The following RPS6KA5 variants were observed in gnomAD, a reference collection of about 807,000 sequenced individuals.
RPS6KA5 encodes ribosomal protein S6 kinase A5.
RPS6KA5 carries 27 observed loss-of-function variants against 85.5 expected under a neutral mutation model. That is an observed-to-expected ratio of 0.32 (90% CI 0.23 to 0.44). RPS6KA5 has a LOEUF of 0.44. RPS6KA5 is among the 20% of genes least tolerant of loss of function. RPS6KA5 has a pLI of 1.00. For missense variants in RPS6KA5, 811 were observed against 980.9 expected, an observed-to-expected ratio of 0.83 and a Z score of 2.31; for synonymous variants, 334 against 348.2, an observed-to-expected ratio of 0.96 and a Z score of 0.46.
At chr14:90,929,693 A>T (rs1566753845) in intron 5 of RPS6KA5, among the ~76,000 whole-genome samples, 1 of 152,184 alleles carries the variant, frequency 6.6e-6, no homozygotes. Flanking sequence ...TTCCCTCCAA[A>T]TTAATTTATA....
chr14:91,056,429 C>T (rs547472056), intron 1 of RPS6KA5, among the ~76,000 whole-genome samples: 4 of 152,262 alleles, frequency 2.6e-5, no homozygotes, highest in East Asian at 1.9e-4. Flanking sequence ...GAGAAGGCGG[C>T]GGTGTCTTTT....
At position 90,854,801 on chromosome 14, in the gene RPS6KA5, C is replaced by T. The variant is rs1354052539; in HGVS notation, c.*17273G>A. Reference sequence around the variant, plus strand: ...TCATGCATTTTAGGTGTGCTTTATTCAAAATATATTATTAAAAAATGTCAA... The same window carrying T: ...TCATGCATTTTAGGTGTGCTTTATTTAAAATATATTATTAAAAAATGTCAA... On this transcript the variant is annotated 3_prime_UTR_variant, in exon 17 of 17. Transcript: ENST00000614987. The T allele has an allele frequency of 5.3e-5, 8 of 152,076 alleles. No homozygotes were observed. Among genetic ancestry groups the T allele is most frequent in the African/African-American group, 1.9e-4 (8 of 41,412 alleles). 9.4% of individuals were successfully genotyped at this position (152,076 alleles called of 1,614,324 possible). A position where few individuals can be genotyped will look rare whatever the true frequency, so the allele number is the denominator to read the frequency against.
rs898424320 is a variant in RPS6KA5, at chr14:90,855,167, G to A, written c.*16907C>T. On this transcript the variant is annotated 3_prime_UTR_variant, in exon 17 of 17. Transcript: ENST00000614987. ...TATCTAGGATAAAGATATTTCAAAT[G>A]TATATGATGGGGCTAAGGGAGACAT... The A allele has an allele frequency of 3.9e-5, 6 of 152,166 alleles. No homozygotes were observed. The highest frequency in any genetic ancestry group is 7.4e-5 in the Non-Finnish European group (5 of 68,016). 9.4% of individuals were successfully genotyped at this position (152,166 alleles called of 1,614,324 possible).
intron 5 of RPS6KA5, among the ~76,000 whole-genome samples, chr14:90,924,985 C>T (rs1326379564): frequency 6.6e-6 from 1 of 152,022 alleles, no homozygotes; most frequent in African/African-American, 2.4e-5. Context: ...TTTTCTCATC[C>T]CATATTTAGA....
chr14:91,059,032 T>A (rs976363711), intron 1 of RPS6KA5, among the ~76,000 whole-genome samples: 1 of 152,108 alleles, frequency 6.6e-6, no homozygotes, highest in Admixed American at 6.5e-5. Context: ...GCCTTCACAA[T>A]TAAATAATAA....
rs1259573726 is a variant in RPS6KA5 at position 90,864,544 on chromosome 14, T to G, written c.*7530A>C. On this transcript the variant is annotated 3_prime_UTR_variant, in exon 17 of 17. Transcript: ENST00000614987. ...GCAATTAAATAAAAGACTGGTATAT[T>G]GGACTTCATAAAATTTTTGGTCATC... 1.3e-5 allele frequency: 2 copies of G among 152,204 alleles called. No individual in the cohort carries two copies. Among genetic ancestry groups the G allele is most frequent in the African/African-American group, 4.8e-5 (2 of 41,450 alleles). 9.4% of individuals were successfully genotyped at this position (152,204 alleles called of 1,614,324 possible).
rs532238548 is a variant in RPS6KA5 at position 91,014,511 on chromosome 14, A to C, written c.104-13352T>G. Among the ~76,000 whole-genome samples the C allele has an allele frequency of 4.7e-4, 71 of 151,762 alleles. 2 individuals are homozygous for C. The highest frequency in any genetic ancestry group is 7.4e-5 in the Non-Finnish European group (5 of 67,882). Reference sequence around the variant, plus strand: ...AGATAGACTCCATCTCAAAAAAAAAAAAAACAAAAAACAAAAAAAATGAGT... The same window carrying C: ...AGATAGACTCCATCTCAAAAAAAAACAAAACAAAAAACAAAAAAAATGAGT... On this transcript the variant is annotated intron_variant, in intron 1 of 16. Coordinates refer to ENST00000614987, the MANE Select transcript of RPS6KA5 (RefSeq NM_004755.4).
intron 1 of RPS6KA5, among the ~76,000 whole-genome samples, chr14:91,044,656 G>A (rs73328547): frequency 0.077 from 11,749 of 151,920 alleles, 666 homozygotes; most frequent in East Asian, 0.31. Flanking sequence ...GGTGAATCAC[G>A]AGGTCAGCAG....
chr14:90,874,913 G>A (rs2033351142), intron 15 of RPS6KA5, among the ~76,000 whole-genome samples: 2 of 152,198 alleles, frequency 1.3e-5, no homozygotes, highest in Admixed American at 6.5e-5. Flanking sequence ...AAGACAGGAG[G>A]AGGAGCGTGT....
At position 90,900,138 on chromosome 14, in the gene RPS6KA5, TG is replaced by T; in HGVS notation, c.1348del (p.Gln450LysfsTer7). On this transcript the variant is annotated frameshift_variant, in exon 11 of 17. Coordinates refer to ENST00000614987, the MANE Select transcript of RPS6KA5 (RefSeq NM_004755.4). LOFTEE classifies it high-confidence loss of function. ...GCTGATTATTTTGACTGCAAAAGCTTGGTTACTTTTTTTATGCACACACTTT... is the reference window on the plus strand; with the variant it reads ...GCTGATTATTTTGACTGCAAAAGCTTGTTACTTTTTTTATGCACACACTTT... The part of the protein sequence containing the change: ...CRKCVHKKSN[Q>X]AFAVKIISKR... 6.2e-7 allele frequency: 1 copy of T among 1,602,986 alleles called. No homozygotes were observed. The highest frequency in any genetic ancestry group is 1.1e-5 in the South Asian group (1 of 88,584).
intron 7 of RPS6KA5, among the ~76,000 whole-genome samples, chr14:90,919,140 C>G (rs2036271621): frequency 6.6e-6 from 1 of 152,154 alleles, no homozygotes; most frequent in Non-Finnish European, 1.5e-5. Context: ...GGGTGCCACT[C>G]TCCTCTCCCA....
At chr14:90,975,175 GA>G (rs1371445150) in intron 3 of RPS6KA5, among the ~76,000 whole-genome samples, 1 of 151,188 alleles carries the variant, frequency 6.6e-6, no homozygotes, top group Admixed American at 6.6e-5. Flanking sequence ...AAAACTTTAA[GA>G]AAACACATAT....
At chr14:91,004,612 A>C (rs918525273) in intron 1 of RPS6KA5, among the ~76,000 whole-genome samples, 7 of 152,090 alleles carry the variant, frequency 4.6e-5, no homozygotes, top group South Asian at 2.1e-4. Context: ...TATTTAAATG[A>C]ACAGTTTGAT....
intron 1 of RPS6KA5, among the ~76,000 whole-genome samples, chr14:91,014,003 T>C (rs1464754924): frequency 1.3e-5 from 2 of 152,208 alleles, no homozygotes; most frequent in Non-Finnish European, 2.9e-5. Context: ...AAGTTCACAA[T>C]GATAATCCTG....
intron 1 of RPS6KA5, among the ~76,000 whole-genome samples, chr14:91,012,675 G>C (rs983797242): frequency 2.0e-5 from 3 of 152,194 alleles, no homozygotes; most frequent in East Asian, 1.9e-4. Flanking sequence ...TTTATGCACT[G>C]CAATAATCCA....
intron 5 of RPS6KA5, among the ~76,000 whole-genome samples, chr14:90,937,873 T>C (rs545862309): frequency 3.3e-5 from 5 of 152,230 alleles, no homozygotes; most frequent in East Asian, 1.9e-4. Flanking sequence ...AAGATGAGAT[T>C]TGGGTGGGGA....
chr14:90,906,056 A>C, intron 8 of RPS6KA5, 93 bp downstream of exon 8: 1 of 1,235,120 alleles, frequency 8.1e-7, no homozygotes, highest in Non-Finnish European at 1.1e-6. Context: ...AAATGATCCC[A>C]AAGGGGACTG....
chr14:90,922,527 C>T (rs929340337), intron 6 of RPS6KA5, among the ~76,000 whole-genome samples: 5 of 152,234 alleles, frequency 3.3e-5, no homozygotes, highest in African/African-American at 1.2e-4. Flanking sequence ...CTGCTCACTG[C>T]AACCTCTGCC....
intron 5 of RPS6KA5, among the ~76,000 whole-genome samples, chr14:90,924,286 T>A (rs1191252335): frequency 6.6e-6 from 1 of 152,236 alleles, no homozygotes; most frequent in African/African-American, 2.4e-5. Flanking sequence ...TTCTAACTTT[T>A]AGGTCTCTGC....
Sources: allele counts gnomAD v4.1 joint callset (sites outside exome capture counted in the v4.1 genomes callset), GRCh38; gene constraint gnomAD v4.1.1; transcripts MANE v1.5; gene names NCBI Gene and HGNC (gene_info 2026-07-23, HGNC 2026-07-21).